The following MTMR8 variants were observed in gnomAD, a reference collection of about 807,000 sequenced individuals.
MTMR8 encodes phosphatidylinositol-3,5-bisphosphate 3-phosphatase MTMR8.
In MTMR8, 65 loss-of-function variants were observed where a neutral mutation model predicts 39.3. The observed-to-expected ratio is 1.65, with a 90% CI of 1.35 to 2.03. MTMR8 has a LOEUF of 2.03. MTMR8 is among the 30% of genes most tolerant of loss of function. The pLI is 0.00. For synonymous variants in MTMR8, 245 were observed against 185.2 expected (o/e 1.32, Z -2.62); for missense variants, 777 against 538.9 (o/e 1.44, Z -4.37).
intron 5 of MTMR8, 130 bp from the exon 6 acceptor site, chrX:64,348,924 G>A (rs769284450): frequency 2.6e-5 from 18 of 693,661 alleles, no homozygotes; most frequent in Admixed American, 1.6e-4. Flanking sequence ...AAAGCAAAGA[G>A]AAATGTGACT....
intron 12 of MTMR8, among the ~76,000 whole-genome samples, chrX:64,274,437 T>C (rs928815060): frequency 8.9e-6 from 1 of 111,928 alleles, no homozygotes; most frequent in African/African-American, 3.2e-5. Flanking sequence ...CCAAAACATG[T>C]AGGATGCAGC....
At chrX:64,377,681 TTTGGAC>T (rs1191632254) in intron 1 of MTMR8, among the ~76,000 whole-genome samples, 1 of 112,153 alleles carries the variant, frequency 8.9e-6, no homozygotes, top group African/African-American at 3.2e-5. Flanking sequence ...CAGATGAGAC[TTTGGAC>T]TTGAACTTTT....
chrX:64,383,072 G>A (rs1361070667), intron 1 of MTMR8, among the ~76,000 whole-genome samples: 3 of 111,469 alleles, frequency 2.7e-5, no homozygotes, highest in African/African-American at 9.8e-5. Flanking sequence ...TATACACCAA[G>A]TATTGAGCTT....
At chrX:64,321,070 C>CA (rs772896893) in intron 12 of MTMR8, among the ~76,000 whole-genome samples, 1 of 111,040 alleles carries the variant, frequency 9.0e-6, no homozygotes, top group South Asian at 3.7e-4. Context: ...CAAGTAGCAA[C>CA]AAAAAATCCT....
chrX:64,326,382 A>C (rs1001883425), intron 12 of MTMR8, among the ~76,000 whole-genome samples: 1 of 112,142 alleles, frequency 8.9e-6, no homozygotes, highest in Non-Finnish European at 1.9e-5. Context: ...AAAAATCAGC[A>C]GTATTTTTAT....
intron 1 of MTMR8, among the ~76,000 whole-genome samples, chrX:64,385,199 C>A (rs749341925): frequency 1.8e-5 from 2 of 112,534 alleles, no homozygotes; most frequent in East Asian, 2.8e-4. Context: ...TAAGGCATAA[C>A]ACATGTGACT....
Position 64,356,332 on chromosome X carries a change from G to A in MTMR8, c.154C>T (p.Leu52Phe), listed in dbSNP as rs759868972. ...TTCTCCACAGTGGCAATGTGATGGA[G>A]TGCAATCTGAAAAACATAAAAGAAC... ...GAARKETWIA[L>F]HHIATVEKLP... Residue 52 changes from leucine (L) to phenylalanine (F), a missense_variant, in exon 3 of 14, where the codon CTC (leucine) becomes TTC (phenylalanine). Transcript: ENST00000374852. The A allele has an allele frequency of 1.7e-6, 2 of 1,200,252 alleles. No individual in the cohort carries two copies. The highest frequency in any genetic ancestry group is 3.0e-5 in the East Asian group (1 of 33,663).
chrX:64,337,221 C>T (rs938085601), intron 9 of MTMR8, 47 bp downstream of exon 9: 3 of 1,154,689 alleles, frequency 2.6e-6, no homozygotes, highest in Non-Finnish European at 3.5e-6. Context: ...TATTTTGTCG[C>T]AATCTGTCTC....
intron 1 of MTMR8, among the ~76,000 whole-genome samples, chrX:64,392,666 G>A (rs1366754013): frequency 9.0e-6 from 1 of 110,580 alleles, no homozygotes; most frequent in African/African-American, 3.3e-5. Flanking sequence ...TAAGTTTATA[G>A]CACAATGAAT....
intron 12 of MTMR8, among the ~76,000 whole-genome samples, chrX:64,284,114 C>T (rs1436917510): frequency 4.5e-5 from 5 of 111,729 alleles, no homozygotes; most frequent in African/African-American, 1.6e-4. Context: ...ATAACCAATG[C>T]AGAGAAGTCC....
intron 1 of MTMR8, among the ~76,000 whole-genome samples, chrX:64,369,228 T>C (rs1924060855): frequency 9.0e-6 from 1 of 111,440 alleles, no homozygotes; most frequent in African/African-American, 3.3e-5. Flanking sequence ...GATCTAGAAC[T>C]AGAAATACCA....
At chrX:64,300,210 A>T (rs1235540160) in intron 12 of MTMR8, among the ~76,000 whole-genome samples, 1 of 108,525 alleles carries the variant, frequency 9.2e-6, no homozygotes, top group Admixed American at 9.9e-5. Flanking sequence ...AATGTGTGGG[A>T]GTCTAAGTCT....
intron 12 of MTMR8, among the ~76,000 whole-genome samples, chrX:64,288,500 C>A (rs762042298): frequency 1.0e-3 from 117 of 111,574 alleles, no homozygotes; most frequent in African/African-American, 3.5e-3. Context: ...CCATTTGACC[C>A]AGCAATCCCA....
chrX:64,355,886 T>G (rs953054112), intron 3 of MTMR8, among the ~76,000 whole-genome samples: 8 of 111,536 alleles, frequency 7.2e-5, no homozygotes, highest in African/African-American at 2.3e-4. Context: ...GTTGATACTT[T>G]AAAGGAGGGA....
chrX:64,364,243 C>T (rs1422213592), intron 1 of MTMR8, among the ~76,000 whole-genome samples: 1 of 112,482 alleles, frequency 8.9e-6, no homozygotes, highest in Non-Finnish European at 1.9e-5. Flanking sequence ...GTGGTTCTCC[C>T]AGCATGGTGT....
chrX:64,288,580 G>A (rs910732026), intron 12 of MTMR8, among the ~76,000 whole-genome samples: 3 of 111,670 alleles, frequency 2.7e-5, no homozygotes, highest in Non-Finnish European at 5.6e-5. Context: ...TATGTTTATT[G>A]CGTCACTACT....
chrX:64,303,173 T>C (rs897281353), intron 12 of MTMR8, among the ~76,000 whole-genome samples: 2 of 112,761 alleles, frequency 1.8e-5, no homozygotes, highest in African/African-American at 6.4e-5. Context: ...ACCATTTTTT[T>C]TTATTTTAGC....
In MTMR8 at chrX:64,328,759, C is replaced by T; in HGVS notation, c.1481+13G>A. The T allele has an allele frequency of 1.6e-5, 18 of 1,149,450 alleles. No homozygotes were observed. The highest frequency in any genetic ancestry group is 2.0e-5 in the Non-Finnish European group (17 of 868,432). 94.7% of individuals were successfully genotyped at this position (1,149,450 alleles called of 1,213,427 possible). A position where few individuals can be genotyped will look rare whatever the true frequency, so the allele number is the denominator to read the frequency against. ...CCTGCTATAAGAAAGGAGGGAAAAACTTAAGAACTTACTGAATGTTGTAGG... is the reference window on the plus strand; with the variant it reads ...CCTGCTATAAGAAAGGAGGGAAAAATTTAAGAACTTACTGAATGTTGTAGG... On this transcript the variant is annotated intron_variant, in intron 12 of 13. Transcript: ENST00000374852.
At chrX:64,291,599 T>A (rs184704666) in intron 12 of MTMR8, among the ~76,000 whole-genome samples, 38 of 110,968 alleles carry the variant, frequency 3.4e-4, no homozygotes, top group African/African-American at 1.1e-3. Flanking sequence ...AGTCCTGAAA[T>A]CCCTCAACTC....
Sources: allele counts gnomAD v4.1 joint callset (sites outside exome capture counted in the v4.1 genomes callset), GRCh38; gene constraint gnomAD v4.1.1; transcripts MANE v1.5; gene names NCBI Gene and HGNC (gene_info 2026-07-23, HGNC 2026-07-21).